Variants in CCDC91 observed in about 807,000 individuals in gnomAD.
CCDC91 encodes coiled-coil domain-containing protein 91.
CCDC91 carries 48 observed loss-of-function variants against 63.2 expected under a neutral mutation model. The ratio of observed to expected loss-of-function variants is 0.76; its 90% CI spans 0.60 to 0.97. CCDC91 has a LOEUF of 0.97. CCDC91 is among the 50% of genes least tolerant of loss of function. CCDC91 has a pLI of 0.00. For missense variants in CCDC91, 500 were observed against 494.6 expected, an observed-to-expected ratio of 1.01 and a Z score of -0.10; for synonymous variants, 167 against 165.8, an observed-to-expected ratio of 1.01 and a Z score of -0.06.
chr12:28,298,779 CATAT>C (rs112509141), intron 3 of CCDC91, among the ~76,000 whole-genome samples: 1 of 148,652 alleles, frequency 6.7e-6, no homozygotes. Flanking sequence ...CTTGTGTGCA[CATAT>C]ATATATATAT....
At chr12:28,546,428 A>G (rs1942992176) in intron 12 of CCDC91, among the ~76,000 whole-genome samples, 7 of 152,076 alleles carry the variant, frequency 4.6e-5, no homozygotes, top group Admixed American at 3.9e-4. Context: ...ATAGCATTAC[A>G]TTTGTGTAGA....
intron 3 of CCDC91, among the ~76,000 whole-genome samples, chr12:28,303,432 C>G (rs1938297287): frequency 6.6e-6 from 1 of 152,060 alleles, no homozygotes; most frequent in Non-Finnish European, 1.5e-5. Context: ...TACTTTCCCT[C>G]CTTTCTCCCT....
intron 8 of CCDC91, among the ~76,000 whole-genome samples, chr12:28,417,694 AC>A (rs1171161271): frequency 4.6e-5 from 7 of 151,766 alleles, no homozygotes; most frequent in Admixed American, 3.9e-4. Context: ...ATTATTAATA[AC>A]GTATCCATCA....
intron 6 of CCDC91, among the ~76,000 whole-genome samples, chr12:28,332,020 A>G (rs565275640): frequency 2.0e-5 from 3 of 152,208 alleles, no homozygotes; most frequent in Admixed American, 6.6e-5. Context: ...TTTCCTTCAT[A>G]GTCAGAAAAT....
At chr12:28,323,645 C>G (rs546354343) in intron 6 of CCDC91, among the ~76,000 whole-genome samples, 140 of 151,866 alleles carry the variant, frequency 9.2e-4, no homozygotes, top group Admixed American at 3.6e-3. Context: ...AACCCTGTTG[C>G]GATTTTGATA....
At chr12:28,342,344 C>T (rs578076013) in intron 6 of CCDC91, among the ~76,000 whole-genome samples, 6 of 152,196 alleles carry the variant, frequency 3.9e-5, no homozygotes, top group East Asian at 1.9e-4. Flanking sequence ...TTGTTTTAAG[C>T]CACCGAGTTT....
At chr12:28,331,082 C>CTT (rs1941464900) in intron 6 of CCDC91, among the ~76,000 whole-genome samples, 2 of 152,074 alleles carry the variant, frequency 1.3e-5, no homozygotes, top group African/African-American at 4.8e-5. Context: ...AAGACAAAGG[C>CTT]ATCTGTTAAA....
At chr12:28,198,684 A>T (rs1941968003) in intron 1 of CCDC91, among the ~76,000 whole-genome samples, 2 of 152,162 alleles carry the variant, frequency 1.3e-5, no homozygotes, top group African/African-American at 4.8e-5. Context: ...TATGCAGAAG[A>T]GATTTATTTC....
At chr12:28,515,581 TAGG>T (rs1169496357) in intron 12 of CCDC91, among the ~76,000 whole-genome samples, 2 of 151,902 alleles carry the variant, frequency 1.3e-5, no homozygotes, top group Admixed American at 6.6e-5. Flanking sequence ...AGAAAATACA[TAGG>T]AGAGTGATAA....
intron 6 of CCDC91, among the ~76,000 whole-genome samples, chr12:28,333,597 A>T (rs1341267322): frequency 6.6e-6 from 1 of 152,088 alleles, no homozygotes; most frequent in Non-Finnish European, 1.5e-5. Flanking sequence ...TTCATGTCTC[A>T]TCTTTTGCTT....
chr12:28,251,707 C>A (rs1244069347), intron 1 of CCDC91, among the ~76,000 whole-genome samples: 2 of 151,974 alleles, frequency 1.3e-5, no homozygotes, highest in African/African-American at 4.8e-5. Context: ...CTGAAGTTTC[C>A]CCTAATTGTT....
rs539534445 is a variant in CCDC91 at position 28,442,875 on chromosome 12, G to T, written c.763-7286G>T. 6.6e-5 allele frequency among the ~76,000 whole-genome samples: 10 copies of T among 152,180 alleles called. No homozygotes were observed. In the South Asian group the frequency reaches 2.1e-3, roughly 32 times the overall value. On this transcript the variant is annotated intron_variant, in intron 8 of 12. Transcript: ENST00000536442. ...GTTTGTTTGTTTTCATGAATGAAGA[G>T]AATAAGTGCCTAACTTGTCTCAGAT...
chr12:28,521,728 T>C (rs956295147), intron 12 of CCDC91, among the ~76,000 whole-genome samples: 17 of 152,304 alleles, frequency 1.1e-4, no homozygotes, highest in Middle Eastern at 3.4e-3. Flanking sequence ...ATAGTTCTTA[T>C]TATTTTGAGA....
At chr12:28,335,167 T>A (rs1443723786) in intron 6 of CCDC91, among the ~76,000 whole-genome samples, 1 of 138,930 alleles carries the variant, frequency 7.2e-6, no homozygotes, top group Non-Finnish European at 1.6e-5. Flanking sequence ...ATATTAAATA[T>A]AATGTTTATA....
At chr12:28,393,468 G>A (rs1946081863) in intron 8 of CCDC91, among the ~76,000 whole-genome samples, 1 of 149,160 alleles carries the variant, frequency 6.7e-6, no homozygotes, top group Admixed American at 6.7e-5. Context: ...CCTCATATTT[G>A]TCTGTCTGTC....
intron 8 of CCDC91, among the ~76,000 whole-genome samples, chr12:28,409,078 C>G (rs1947150572): frequency 1.3e-5 from 2 of 152,052 alleles, no homozygotes; most frequent in Non-Finnish European, 2.9e-5. Flanking sequence ...AATCTTGATA[C>G]CTTTTATTTC....
At chr12:28,335,620 T>G (rs545145318) in intron 6 of CCDC91, among the ~76,000 whole-genome samples, 1 of 151,674 alleles carries the variant, frequency 6.6e-6, no homozygotes, top group African/African-American at 2.4e-5. Context: ...GTAGCCTGGC[T>G]TATCTCAAAC....
intron 6 of CCDC91, among the ~76,000 whole-genome samples, chr12:28,327,051 G>A (rs750341308): frequency 5.3e-5 from 8 of 152,074 alleles, no homozygotes; most frequent in Non-Finnish European, 1.0e-4. Flanking sequence ...TTCTGAAATG[G>A]GCAGAGAACT....
intron 8 of CCDC91, among the ~76,000 whole-genome samples, chr12:28,399,466 AC>A (rs746686747): frequency 3.9e-5 from 6 of 152,120 alleles, no homozygotes; most frequent in Non-Finnish European, 7.4e-5. Flanking sequence ...TTTCACCCTG[AC>A]CACTCCCAAA....
Sources: allele counts gnomAD v4.1 joint callset (sites outside exome capture counted in the v4.1 genomes callset), GRCh38; gene constraint gnomAD v4.1.1; transcripts MANE v1.5; gene names NCBI Gene and HGNC (gene_info 2026-07-23, HGNC 2026-07-21).